TIPARP: variants seen among roughly 807,000 people sequenced by gnomAD.
TIPARP encodes the protein TCDD inducible poly(ADP-ribose) polymerase.
In TIPARP, 12 loss-of-function variants were observed where a neutral mutation model predicts 56.5. The ratio of observed to expected loss-of-function variants is 0.21; its 90% CI spans 0.14 to 0.34. TIPARP has a LOEUF of 0.34. TIPARP is among the 10% of genes least tolerant of loss of function. The probability of loss-of-function intolerance (pLI) is 1.00; values close to 1 mark genes in which losing one functional copy is unlikely to be tolerated. For synonymous variants in TIPARP, 296 were observed against 265.7 expected, an observed-to-expected ratio of 1.11 and a Z score of -1.11; for missense variants, 604 against 781.6, an observed-to-expected ratio of 0.77 and a Z score of 2.71.
chr3:156,675,618 G>A (rs971406866), intron 1 of TIPARP: 2 of 152,252 alleles, frequency 1.3e-5, no homozygotes, highest in African/African-American at 2.4e-5. Flanking sequence ...CGCGGCCCGG[G>A]ACCAGGAGCT....
chr3:156,681,145 G>A (rs1236822263), intron 2 of TIPARP: 2 of 456,538 alleles, frequency 4.4e-6, no homozygotes, highest in African/African-American at 2.0e-5. Context: ...ATAACGGCAT[G>A]TTGAGCCTTG....
intron 2 of TIPARP, chr3:156,681,020 T>C (rs1722288304): frequency 2.5e-6 from 1 of 400,854 alleles, no homozygotes; most frequent in Non-Finnish European, 5.0e-6. Flanking sequence ...TGTTGTAATA[T>C]AGTAGATAGC....
chr3:156,696,116 C>T (rs1722709724), intron 4 of TIPARP, 91 bp downstream of exon 4: 4 of 1,423,494 alleles, frequency 2.8e-6, no homozygotes, highest in Middle Eastern at 4.7e-4. Flanking sequence ...TAAGAGTCTA[C>T]CTTGGTTAGT....
In TIPARP at chr3:156,705,174, A is replaced by C; in HGVS notation, c.*43A>C. On this transcript the variant is annotated 3_prime_UTR_variant, in exon 6 of 6. Transcript: ENST00000295924. ...AAATTATTTGATATGAACTCAATCCAGCATTTGTAGCAGGTTTTGAATGGG... is the reference window on the plus strand; with the variant it reads ...AAATTATTTGATATGAACTCAATCCCGCATTTGTAGCAGGTTTTGAATGGG... The C allele has an allele frequency of 1.2e-6, 1 of 833,102 alleles. No individual in the cohort carries two copies. Among genetic ancestry groups the C allele is most frequent in the Non-Finnish European group, 1.7e-6 (1 of 571,472 alleles). 51.6% of individuals were successfully genotyped at this position (833,102 alleles called of 1,614,324 possible).
At chr3:156,686,316 C>T (rs552045309) in intron 2 of TIPARP, among the ~76,000 whole-genome samples, 1 of 152,168 alleles carries the variant, frequency 6.6e-6, no homozygotes, top group African/African-American at 2.4e-5. Context: ...TTGTAGAATC[C>T]AACTCCCTCA....
At chr3:156,681,287 G>GT in intron 2 of TIPARP, 1 of 440,322 alleles carries the variant, frequency 2.3e-6, no homozygotes, top group Non-Finnish European at 4.6e-6. Context: ...TAACCAGGAA[G>GT]TGTGTGTTCA....
At chr3:156,687,075 A>G (rs1430296139) in intron 2 of TIPARP, among the ~76,000 whole-genome samples, 1 of 152,204 alleles carries the variant, frequency 6.6e-6, no homozygotes, top group Non-Finnish European at 1.5e-5. Flanking sequence ...CAGTGATTGC[A>G]TAATTTAAGG....
Position 156,689,293 on chromosome 3 carries a change from T to C in TIPARP, c.918-4727T>C, listed in dbSNP as rs1266648688. ...ATCCTAGACTCTTTTCACTCTCTTC[T>C]GCCCCACGTGTAATTATCCTTCATG... is the stretch of plus-strand genomic sequence containing the variant. On this transcript the variant is annotated intron_variant, in intron 2 of 5. Coordinates refer to ENST00000295924, the MANE Select transcript of TIPARP (RefSeq NM_015508.5). 2.6e-5 allele frequency among the ~76,000 whole-genome samples: 4 copies of C among 152,262 alleles called. No individual in the cohort carries two copies. The South Asian group carries it at 8.3e-4, about 32-fold the overall frequency.
intron 2 of TIPARP, among the ~76,000 whole-genome samples, chr3:156,688,487 C>T (rs889398619): frequency 1.1e-4 from 16 of 149,160 alleles, no homozygotes; most frequent in Non-Finnish European, 1.8e-4. Flanking sequence ...TTGCCGCCCC[C>T]CCCCGCAATA....
chr3:156,690,752 C>G (rs924003703), intron 2 of TIPARP, among the ~76,000 whole-genome samples: 3 of 152,116 alleles, frequency 2.0e-5, no homozygotes. Context: ...ATAAATCCTA[C>G]TGTACAGTGG....
intron 2 of TIPARP, among the ~76,000 whole-genome samples, chr3:156,678,939 C>T (rs1366224008): frequency 2.6e-5 from 4 of 152,186 alleles, no homozygotes; most frequent in African/African-American, 9.6e-5. Context: ...GAAAGTCTGG[C>T]GAATCTTACT....
chr3:156,703,758 A>G (rs1253359542), intron 5 of TIPARP, 56 bp downstream of exon 5: 1 of 1,546,828 alleles, frequency 6.5e-7, no homozygotes, highest in Admixed American at 1.8e-5. Context: ...TCAAGCCTGT[A>G]ATCCCAGCAC....
rs1276018525 is a variant in TIPARP, at chr3:156,703,501, G to A, written c.1325G>A (p.Gly442Glu). The change falls in exon 5 of 6, where the codon GGG (glycine) becomes GAG (glutamate). Residue 442 changes from glycine (G) to glutamate (E), a missense_variant. Physicochemically the swap from Gly to Glu is moderately conservative, Grantham distance 98. Coordinates refer to ENST00000295924, the MANE Select transcript of TIPARP (RefSeq NM_015508.5). ...TSSSQIICPD[G>E]VTSANFYPET... ...TCATCACAAATTATCTGCCCAGATGGGGTCACTTCAGCAAACTTTTACCCT... is the reference window on the plus strand; with the variant it reads ...TCATCACAAATTATCTGCCCAGATGAGGTCACTTCAGCAAACTTTTACCCT... 1 of 1,614,006 alleles carries A rather than the reference G, an allele frequency of 6.2e-7. No homozygotes were observed. The highest frequency in any genetic ancestry group is 8.5e-7 in the Non-Finnish European group (1 of 1,180,044).
chr3:156,681,817 T>C (rs954047987), intron 2 of TIPARP, among the ~76,000 whole-genome samples: 3 of 152,128 alleles, frequency 2.0e-5, no homozygotes, highest in African/African-American at 7.2e-5. Context: ...CATACTAGTG[T>C]GTATGTACTT....
Position 156,703,716 on chromosome 3 carries a change from A to G in TIPARP, c.1526+14A>G, listed in dbSNP as rs755754040. 1.9e-6 allele frequency: 3 copies of G among 1,602,300 alleles called. No individual in the cohort carries two copies. The highest frequency in any genetic ancestry group is 1.7e-5 in the Admixed American group (1 of 59,494). On this transcript the variant is annotated intron_variant, in intron 5 of 5. Coordinates refer to ENST00000295924, the MANE Select transcript of TIPARP (RefSeq NM_015508.5). ...GAAATATAAAAGGTGAGTCAGATGT[A>G]TGAAAAGTTCAAGACGGCCGGGCGC...
In TIPARP at chr3:156,694,175, G is replaced by A; in HGVS notation, c.1073G>A (p.Arg358Lys). ...KFFCRDHFGW[R>K]EYPESVIRLI... ...TTCTGTAGGGACCACTTTGGATGGA[G>A]AGAGTATCCCGAGGTATTTACAGAT... is the stretch of plus-strand genomic sequence containing the variant. Residue 358 changes from arginine to lysine, a missense_variant, in exon 3 of 6, where the codon AGA (arginine) becomes AAA (lysine). Transcript: ENST00000295924. 1 of 1,601,504 alleles carries A rather than the reference G, an allele frequency of 6.2e-7. No homozygotes were observed. Among genetic ancestry groups the A allele is most frequent in the Non-Finnish European group, 8.5e-7 (1 of 1,176,180 alleles).
chr3:156,701,456 C>G (rs1722842625), intron 4 of TIPARP, among the ~76,000 whole-genome samples: 1 of 152,050 alleles, frequency 6.6e-6, no homozygotes, highest in Non-Finnish European at 1.5e-5. Context: ...AACTTCAAGC[C>G]CTGATAATAA....
At chr3:156,676,211 T>C (rs570979395) in intron 1 of TIPARP, among the ~76,000 whole-genome samples, 1 of 152,366 alleles carries the variant, frequency 6.6e-6, no homozygotes, top group African/African-American at 2.4e-5. Context: ...CCAGTTGATT[T>C]ATGTCTCATG....
In TIPARP at chr3:156,704,874, C is replaced by T; in HGVS notation, c.1717C>T (p.His573Tyr). The T allele has an allele frequency of 6.2e-7, 1 of 1,614,192 alleles. No homozygotes were observed. The highest frequency in any genetic ancestry group is 8.5e-7 in the Non-Finnish European group (1 of 1,180,034). Residue 573 changes from histidine to tyrosine, a missense_variant, in exon 6 of 6, where the codon CAT (histidine) becomes TAT (tyrosine). Transcript: ENST00000295924. The part of the protein sequence containing the change: ...SYFAKKASYS[H>Y]NFSKKSSKGV... The stretch of plus-strand genomic sequence containing the variant: ...TTTTGCAAAGAAGGCAAGCTACTCT[C>T]ATAACTTTTCTAAGAAGTCCTCCAA...
Sources: gnomAD v4.1 joint callset for allele counts (sites outside exome capture counted in the v4.1 genomes callset) on GRCh38, gnomAD v4.1.1 for gene constraint, MANE v1.5 for transcripts, NCBI Gene and HGNC (gene_info 2026-07-23, HGNC 2026-07-21) for gene names.